The following PPHLN1 variants were observed in gnomAD, a reference collection of about 807,000 sequenced individuals.
PPHLN1 encodes periphilin-1.
Under a neutral mutation model 51.3 loss-of-function variants are expected in PPHLN1, and 29 were observed. The observed-to-expected ratio is 0.57, with a 90% CI of 0.42 to 0.77. The LOEUF is 0.77. Among genes scored for constraint, PPHLN1 ranks in the 30% least tolerant of loss-of-function variants. PPHLN1 has a pLI of 0.00. For synonymous variants in PPHLN1, 147 were observed against 147.8 expected, an observed-to-expected ratio of 0.99 and a Z score of 0.04; for missense variants, 436 against 438.4, an observed-to-expected ratio of 0.99 and a Z score of 0.05.
At chr12:42,421,232 A>C (rs1360107175) in intron 9 of PPHLN1, among the ~76,000 whole-genome samples, 2 of 152,192 alleles carry the variant, frequency 1.3e-5, no homozygotes, top group Non-Finnish European at 2.9e-5. Flanking sequence ...TTCTGTCCTC[A>C]AGATAATGGA....
chr12:42,372,155 A>T (rs1163649327), intron 4 of PPHLN1, among the ~76,000 whole-genome samples: 1 of 151,528 alleles, frequency 6.6e-6, no homozygotes, highest in Non-Finnish European at 1.5e-5. Context: ...ATCTGAAAAA[A>T]TGGCTAATAT....
At chr12:42,442,364 A>C (rs1459862933), downstream of PPHLN1, among the ~76,000 whole-genome samples, 2 of 152,144 alleles carry the variant, frequency 1.3e-5, no homozygotes, top group Non-Finnish European at 2.9e-5. Flanking sequence ...AGTGTAAAGA[A>C]ATTTATCTAG....
intron 7 of PPHLN1, among the ~76,000 whole-genome samples, chr12:42,391,046 C>T (rs370718674): frequency 6.6e-6 from 1 of 152,016 alleles, no homozygotes; most frequent in African/African-American, 2.4e-5. Context: ...AGGTAGCGCC[C>T]TCTTTGATTT....
chr12:42,432,968 C>T (rs1246722959), intron 9 of PPHLN1: 5 of 1,467,670 alleles, frequency 3.4e-6, no homozygotes, highest in Non-Finnish European at 4.8e-6. Context: ...TCTGCATGCT[C>T]CTACTGCTTT....
intron 4 of PPHLN1, among the ~76,000 whole-genome samples, chr12:42,366,275 T>G (rs913521115): frequency 7.0e-6 from 1 of 142,428 alleles, no homozygotes; most frequent in Non-Finnish European, 1.5e-5. Context: ...TCGCCCAGGC[T>G]GGAGTGCAGT....
chr12:42,335,324 C>CAG (rs1265987110), intron 1 of PPHLN1, among the ~76,000 whole-genome samples: 2 of 151,374 alleles, frequency 1.3e-5, no homozygotes, highest in Non-Finnish European at 2.9e-5. Flanking sequence ...TTAAAAAAAT[C>CAG]AGGAGTGGTT....
At chr12:42,346,800 G>A (rs1457384247) in intron 2 of PPHLN1, among the ~76,000 whole-genome samples, 1 of 152,094 alleles carries the variant, frequency 6.6e-6, no homozygotes, top group Non-Finnish European at 1.5e-5. Context: ...AGGGTGTGAG[G>A]GGATATCTCA....
At chr12:42,328,212 A>G (rs2069106393) in intron 1 of PPHLN1, among the ~76,000 whole-genome samples, 1 of 152,218 alleles carries the variant, frequency 6.6e-6, no homozygotes, top group Non-Finnish European at 1.5e-5. Flanking sequence ...TTTGGAAAAT[A>G]AACAGCTCCG....
At chr12:42,337,231 C>G (rs1045011940) in intron 2 of PPHLN1, among the ~76,000 whole-genome samples, 1 of 151,676 alleles carries the variant, frequency 6.6e-6, no homozygotes, top group African/African-American at 2.4e-5. Context: ...AGGATATATC[C>G]CATTAGGAAT....
chr12:42,348,034 A>G (rs532993658), intron 2 of PPHLN1, among the ~76,000 whole-genome samples: 14 of 152,216 alleles, frequency 9.2e-5, no homozygotes, highest in African/African-American at 3.4e-4. Flanking sequence ...CGAAATACCA[A>G]CTTGGTCTTT....
chr12:42,413,111 T>C (rs1488455946), intron 9 of PPHLN1, among the ~76,000 whole-genome samples: 1 of 152,224 alleles, frequency 6.6e-6, no homozygotes, highest in Non-Finnish European at 1.5e-5. Flanking sequence ...CAGAAGCTTT[T>C]TCATTTAATT....
At chr12:42,346,594 G>T (rs2072367268) in intron 2 of PPHLN1, among the ~76,000 whole-genome samples, 1 of 152,146 alleles carries the variant, frequency 6.6e-6, no homozygotes, top group Non-Finnish European at 1.5e-5. Flanking sequence ...TCGCCTTTGG[G>T]TATACAGTAT....
chr12:42,369,219 T>C (rs565191402), intron 4 of PPHLN1, among the ~76,000 whole-genome samples: 69 of 152,340 alleles, frequency 4.5e-4, no homozygotes, highest in African/African-American at 1.5e-3. Context: ...AGCTGCATTT[T>C]TGCCTACTTT....
chr12:42,359,400 A>AT (rs2074377685), intron 4 of PPHLN1: 1 of 152,250 alleles, frequency 6.6e-6, no homozygotes, highest in Admixed American at 6.5e-5. Flanking sequence ...AATTATACAT[A>AT]TTTAACAAAT....
intron 9 of PPHLN1, among the ~76,000 whole-genome samples, chr12:42,428,532 G>A (rs1592958018): frequency 1.3e-5 from 2 of 152,140 alleles, no homozygotes; most frequent in Admixed American, 1.3e-4. Context: ...TCCAAACATC[G>A]TATGTTCTCA....
At chr12:42,442,590 T>TA (rs755497522), downstream of PPHLN1, 2 of 1,611,168 alleles carry the variant, frequency 1.2e-6, no homozygotes, top group Admixed American at 1.7e-5. Flanking sequence ...TAGCCATTCT[T>TA]ACACAAAATA....
At chr12:42,438,933 A>G (rs931104910) in intron 9 of PPHLN1, among the ~76,000 whole-genome samples, 4 of 152,180 alleles carry the variant, frequency 2.6e-5, no homozygotes, top group Non-Finnish European at 5.9e-5. Context: ...TTCTTTGCAT[A>G]TTTTAGATAC....
chr12:42,433,917 T>C (rs1045826841), intron 9 of PPHLN1, among the ~76,000 whole-genome samples: 4 of 152,150 alleles, frequency 2.6e-5, no homozygotes, highest in African/African-American at 9.7e-5. Context: ...TAACATGTTG[T>C]AAACCTTAAA....
At chr12:42,419,701 A>G (rs2080813122) in intron 9 of PPHLN1, among the ~76,000 whole-genome samples, 2 of 152,236 alleles carry the variant, frequency 1.3e-5, no homozygotes, top group Non-Finnish European at 2.9e-5. Context: ...AATAGAAAGA[A>G]AATAACTTAT....
Sources: gnomAD v4.1 joint callset for allele counts (sites outside exome capture counted in the v4.1 genomes callset) on GRCh38, gnomAD v4.1.1 for gene constraint, MANE v1.5 for transcripts, NCBI Gene and HGNC (gene_info 2026-07-23, HGNC 2026-07-21) for gene names.